Variants in TLK1 observed in about 807,000 individuals in gnomAD.
TLK1 encodes the protein tousled like kinase 1, also known as serine/threonine-protein kinase tousled-like 1.
In TLK1, 24 loss-of-function variants were observed where a neutral mutation model predicts 105.3. That is an observed-to-expected ratio of 0.23 (90% CI 0.17 to 0.32). The LOEUF (loss-of-function observed/expected upper bound fraction) is 0.32, where lower values mean the gene tolerates loss of function less well. Ranked by LOEUF, TLK1 falls within the 10% of genes least tolerant of loss-of-function variation. The probability of loss-of-function intolerance (pLI) is 1.00; values close to 1 mark genes in which losing one functional copy is unlikely to be tolerated. For missense variants in TLK1, 558 were observed against 910.5 expected (o/e 0.61, Z 4.98); for synonymous variants, 321 against 310.4 (o/e 1.03, Z -0.36).
intron 1 of TLK1, among the ~76,000 whole-genome samples, chr2:171,180,396 G>A (rs2105307431): frequency 6.6e-6 from 1 of 152,186 alleles, no homozygotes; most frequent in South Asian, 2.1e-4. Flanking sequence ...AGCAACATGG[G>A]AGTGCTACAA....
chr2:171,072,539 C>T (rs1343956896), intron 3 of TLK1, among the ~76,000 whole-genome samples: 1 of 152,116 alleles, frequency 6.6e-6, no homozygotes, highest in Admixed American at 6.6e-5. Flanking sequence ...TGGTGGATCA[C>T]CTGAGGTCAA....
At chr2:171,059,881 G>A in intron 4 of TLK1, 1 of 973,426 alleles carries the variant, frequency 1.0e-6, no homozygotes, top group Non-Finnish European at 1.7e-6. Context: ...GATCTGACAG[G>A]AGGCCGAGCT....
intron 1 of TLK1, among the ~76,000 whole-genome samples, chr2:171,172,605 C>G (rs1333250188): frequency 6.6e-6 from 1 of 152,036 alleles, no homozygotes; most frequent in Non-Finnish European, 1.5e-5. Context: ...CTCCTCCGTG[C>G]TGTTCTTGTG....
chr2:171,037,980 A>C (rs1361048313), intron 11 of TLK1, among the ~76,000 whole-genome samples: 1 of 152,166 alleles, frequency 6.6e-6, no homozygotes, highest in Non-Finnish European at 1.5e-5. Flanking sequence ...GGTTATTTGG[A>C]CCTGCAGTTT....
chr2:171,089,737 T>C (rs998970930), intron 2 of TLK1, among the ~76,000 whole-genome samples: 1 of 152,166 alleles, frequency 6.6e-6, no homozygotes, highest in Non-Finnish European at 1.5e-5. Context: ...TGCAGTGGCA[T>C]GATCATAGCT....
At chr2:171,103,006 T>G (rs78885192) in intron 2 of TLK1, among the ~76,000 whole-genome samples, 2,657 of 151,686 alleles carry the variant, frequency 0.018, 75 homozygotes, top group African/African-American at 0.059. Flanking sequence ...CATACAGCGG[T>G]GAGATAAGGC....
intron 1 of TLK1, 78 bp from the exon 2 acceptor site, chr2:171,117,935 G>C (rs940062487): frequency 1.0e-6 from 1 of 977,044 alleles, no homozygotes; most frequent in Non-Finnish European, 1.4e-6. Context: ...ATATATATAT[G>C]TGATTAGTTA....
At chr2:171,216,248 G>A (rs1012265340) in intron 1 of TLK1, among the ~76,000 whole-genome samples, 4 of 152,110 alleles carry the variant, frequency 2.6e-5, no homozygotes, top group Non-Finnish European at 5.9e-5. Context: ...AGGCCGAGGC[G>A]GGCAGATCAC....
intron 1 of TLK1, among the ~76,000 whole-genome samples, chr2:171,148,891 ATATAT>A (rs1233451342): frequency 1.0e-3 from 126 of 120,584 alleles, no homozygotes; most frequent in African/African-American, 3.7e-3. Context: ...AAAAAAAAAA[ATATAT>A]ATATATATAT....
intron 1 of TLK1, among the ~76,000 whole-genome samples, chr2:171,127,616 C>T (rs886515330): frequency 6.6e-6 from 1 of 152,050 alleles, no homozygotes; most frequent in African/African-American, 2.4e-5. Flanking sequence ...CCATTTCCTA[C>T]ATTTTTTTCT....
At chr2:171,162,198 C>G (rs192273277), upstream of TLK1, among the ~76,000 whole-genome samples, 400 of 152,316 alleles carry the variant, frequency 2.6e-3, 1 homozygote, top group African/African-American at 9.2e-3. Context: ...ATCTCACAAA[C>G]AACTTTATTG....
chr2:171,214,296 C>T (rs1350740629), intron 1 of TLK1, among the ~76,000 whole-genome samples: 2 of 152,112 alleles, frequency 1.3e-5, no homozygotes, highest in Non-Finnish European at 2.9e-5. Flanking sequence ...GGGTGAGTCA[C>T]GTAACCCTTC....
At chr2:171,055,360 G>A (rs1687451953) in intron 6 of TLK1, among the ~76,000 whole-genome samples, 188 bp from the exon 7 acceptor site, 2 of 151,692 alleles carry the variant, frequency 1.3e-5, no homozygotes, top group Middle Eastern at 3.4e-3. Flanking sequence ...TGTTCATTAA[G>A]TACCTCCTAC....
intron 12 of TLK1, among the ~76,000 whole-genome samples, chr2:171,025,608 G>A (rs1263779726): frequency 1.3e-5 from 2 of 152,092 alleles, no homozygotes; most frequent in Non-Finnish European, 2.9e-5. Context: ...TTACAAGTCG[G>A]GGTTCATGTC....
intron 1 of TLK1, among the ~76,000 whole-genome samples, chr2:171,187,410 T>C (rs1693053815): frequency 6.6e-6 from 1 of 152,242 alleles, no homozygotes; most frequent in African/African-American, 2.4e-5. Flanking sequence ...CTAAACTATC[T>C]GCCTTCCAGT....
chr2:171,214,640 G>C (rs1693680388), intron 1 of TLK1, among the ~76,000 whole-genome samples: 1 of 152,144 alleles, frequency 6.6e-6, no homozygotes, highest in Non-Finnish European at 1.5e-5. Context: ...TGAAAAATTT[G>C]CATTTCTATT....
Position 171,160,470 on chromosome 2 carries a change from AG to A in TLK1, c.-43del. 1 of 1,573,730 alleles carries A rather than the reference AG, an allele frequency of 6.4e-7. No individual in the cohort carries two copies. Among genetic ancestry groups the A allele is most frequent in the Non-Finnish European group, 8.6e-7 (1 of 1,164,354 alleles). On this transcript the variant is annotated 5_prime_UTR_variant, in exon 1 of 21. It introduces an in-frame stop codon into an upstream open reading frame of the 5' UTR. Transcript: ENST00000431350. The surrounding 1 kb of genome is among the most constrained non-coding windows in gnomAD (Gnocchi z 4.4). ...AACCCGACTCCCCCCCTGCGACGGC[AG>A]CGGCGGCAACGGCACCGGCACCCGC...
In TLK1 at chr2:171,081,543, G is replaced by C. The variant is rs74366948; in HGVS notation, c.330+1238C>G. 259 of 722,292 alleles carry C rather than the reference G, an allele frequency of 3.6e-4. 2 individuals carry two copies. The East Asian group carries it at 0.015, about 42-fold the overall frequency. 44.7% of individuals were successfully genotyped at this position (722,292 alleles called of 1,614,324 possible). On this transcript the variant is annotated intron_variant, in intron 3 of 20. Coordinates refer to ENST00000431350, the MANE Select transcript of TLK1 (RefSeq NM_012290.5). ...TACACTTTTTAAAAAACTTTGACTAGAGCTAAACCTACAATTTTCAAAGGC... is the reference window on the plus strand; with the variant it reads ...TACACTTTTTAAAAAACTTTGACTACAGCTAAACCTACAATTTTCAAAGGC...
intron 1 of TLK1, among the ~76,000 whole-genome samples, chr2:171,142,206 A>C (rs1339178205): frequency 6.6e-6 from 1 of 152,174 alleles, no homozygotes; most frequent in South Asian, 2.1e-4. Context: ...TGGAACAAAA[A>C]ATAATAATAA....
Sources: gnomAD v4.1 joint callset for allele counts (sites outside exome capture counted in the v4.1 genomes callset) on GRCh38, gnomAD v4.1.1 for gene constraint, Gnocchi (gnomAD v3.1) non-coding constraint, MANE v1.5 for transcripts, NCBI Gene and HGNC (gene_info 2026-07-23, HGNC 2026-07-21) for gene names.